The following ANXA3 variants were observed in gnomAD, a reference collection of about 807,000 sequenced individuals.
ANXA3 encodes the protein annexin A3.
Under a neutral mutation model 48.8 loss-of-function variants are expected in ANXA3, and 46 were observed. The observed-to-expected ratio is 0.94, with a 90% confidence interval of 0.74 to 1.21. ANXA3 has a LOEUF of 1.21. Ranked by LOEUF, ANXA3 falls within the 50% of genes most tolerant of loss-of-function variation. The probability of loss-of-function intolerance (pLI) is 0.00; values close to 1 mark genes in which losing one functional copy is unlikely to be tolerated. For synonymous variants in ANXA3, 128 were observed against 134.7 expected, an observed-to-expected ratio of 0.95 and a Z score of 0.35; for missense variants, 383 against 378.6, an observed-to-expected ratio of 1.01 and a Z score of -0.10.
intron 2 of ANXA3, 61 bp downstream of exon 2, chr4:78,554,549 A>G: frequency 6.8e-6 from 10 of 1,478,296 alleles, no homozygotes; most frequent in Non-Finnish European, 9.4e-6. Flanking sequence ...AAAACACAGA[A>G]GGTCAAGATA....
rs1423764295 is a variant in ANXA3, at chr4:78,554,426, C to A, written c.-38-10C>A. ...ATTGATACCATTTACTAATTGTTTT[C>A]TTTTAATAGATTAGTGTGATCTCAG... On this transcript the variant is annotated splice_polypyrimidine_tract_variant and intron_variant, in intron 1 of 12. Transcript: ENST00000264908. The A allele has an allele frequency of 1.3e-6, 2 of 1,569,418 alleles. No homozygotes were observed. The highest frequency in any genetic ancestry group is 1.1e-5 in the South Asian group (1 of 90,242).
chr4:78,588,272 A>C (rs555702441), intron 6 of ANXA3, among the ~76,000 whole-genome samples: 14 of 152,230 alleles, frequency 9.2e-5, no homozygotes, highest in Middle Eastern at 6.8e-3. Flanking sequence ...GCACGCCTAC[A>C]GTCCCAGCTC....
intron 1 of ANXA3, among the ~76,000 whole-genome samples, chr4:78,553,732 T>G (rs7672582): frequency 0.75 from 114,477 of 152,108 alleles, 43,201 homozygotes; most frequent in East Asian, 0.88. Context: ...ATTGAACTTT[T>G]CTCTGGGGGT....
intron 12 of ANXA3, among the ~76,000 whole-genome samples, chr4:78,607,462 A>G (rs1438112845): frequency 6.6e-6 from 1 of 152,168 alleles, no homozygotes; most frequent in East Asian, 1.9e-4. Flanking sequence ...GAAGGCAAGG[A>G]AGAACAGAGG....
chr4:78,601,574 T>A lies in ANXA3; in HGVS notation c.789+6T>A. 6.2e-7 allele frequency: 1 copy of A among 1,613,502 alleles called. No homozygotes were observed. The highest frequency in any genetic ancestry group is 8.5e-7 in the Non-Finnish European group (1 of 1,179,498). On this transcript the variant is annotated splice_donor_region_variant and intron_variant, in intron 11 of 12. Coordinates refer to ENST00000264908, the MANE Select transcript of ANXA3 (RefSeq NM_005139.3). ...GACTGCATCGAGCCTTGAAGGTTGGTCTGGAAAGTTCATGTGCATTCTTAG... is the reference window on the plus strand; with the variant it reads ...GACTGCATCGAGCCTTGAAGGTTGGACTGGAAAGTTCATGTGCATTCTTAG...
intron 3 of ANXA3, among the ~76,000 whole-genome samples, chr4:78,578,298 C>T (rs865837757): frequency 1.1e-4 from 5 of 46,506 alleles, no homozygotes; most frequent in African/African-American, 4.0e-4. Flanking sequence ...AGAGAGAGAG[C>T]GAGAGAGAGA....
Position 78,574,027 on chromosome 4 carries a change from T to A in ANXA3, c.103+760T>A, listed in dbSNP as rs118092954. Among the ~76,000 whole-genome samples the A allele has an allele frequency of 3.8e-3, 577 of 152,250 alleles. 12 individuals carry two copies. In the East Asian group the frequency reaches 0.062, roughly 16 times the overall value. On this transcript the variant is annotated intron_variant, in intron 3 of 12. Transcript: ENST00000264908. ...GTCATGTGAAACTGCTGCCTGGAAT[T>A]TTCTGTTCTCCTGTGACCATCCTGT... is the stretch of plus-strand genomic sequence containing the variant.
In ANXA3 at chr4:78,601,383, G is replaced by T. The variant is rs557901789; in HGVS notation, c.731-127G>T. 510 of 753,270 alleles carry T rather than the reference G, an allele frequency of 6.8e-4. 5 individuals carry two copies. The highest frequency in any genetic ancestry group is 6.6e-3 in the South Asian group (329 of 49,894). The allele number at this position is 753,270 out of a possible 1,614,324, so 46.7% of individuals were successfully genotyped here. A position where few individuals can be genotyped will look rare whatever the true frequency, so the allele number is the denominator to read the frequency against. On this transcript the variant is annotated intron_variant, in intron 10 of 12. Coordinates refer to ENST00000264908, the MANE Select transcript of ANXA3 (RefSeq NM_005139.3). ...AGCCTTTCTTTCATTCCAAGTAAAA[G>T]CCAGTTGTGGGGAGGGGATAGAGTG...
chr4:78,604,389 C>T lies in ANXA3; in HGVS notation c.902C>T (p.Ser301Leu). 1.2e-6 allele frequency: 2 copies of T among 1,610,538 alleles called. No homozygotes were observed. The highest frequency in any genetic ancestry group is 1.1e-5 in the South Asian group (1 of 90,610). ...FKKHYGYSLY[S>L]AIKSDTSGDY... ...AAGCATTATGGCTATTCCCTATATT[C>T]AGCAATTAAAGTAAGTCTACTTTTA... The change falls in exon 12 of 13, where the codon TCA becomes TTA. Residue 301 changes from serine to leucine, a missense_variant. Ser to Leu is a moderately radical substitution (Grantham distance 145). Coordinates refer to ENST00000264908, the MANE Select transcript of ANXA3 (RefSeq NM_005139.3).
intron 2 of ANXA3, among the ~76,000 whole-genome samples, chr4:78,566,340 C>T (rs1340612398): frequency 2.0e-5 from 3 of 151,958 alleles, no homozygotes; most frequent in Non-Finnish European, 2.9e-5. Flanking sequence ...GATGAAATCA[C>T]TCTATTTAAA....
Position 78,595,863 on chromosome 4 carries a change from A to G in ANXA3, c.610A>G (p.Arg204Gly). The G allele has an allele frequency of 6.2e-7, 1 of 1,610,594 alleles. No homozygotes were observed. Among genetic ancestry groups the G allele is most frequent in the African/African-American group, 1.3e-5 (1 of 74,976 alleles). Residue 204 changes from arginine to glycine, a missense_variant, in exon 9 of 13, where the codon AGG (arginine) becomes GGG (glycine). Transcript: ENST00000264908. ...EDKFTEILCL[R>G]SFPQLKLTFD... ...CAAATTCACTGAGATCCTGTGTTTA[A>G]GGAGCTTTCCTCAATTAAAACTAAG...
intron 5 of ANXA3, among the ~76,000 whole-genome samples, chr4:78,582,839 A>C: frequency 6.6e-6 from 1 of 152,158 alleles, no homozygotes; most frequent in East Asian, 1.9e-4. Flanking sequence ...ATTTTTATTA[A>C]TTTATTTTAA....
intron 5 of ANXA3, among the ~76,000 whole-genome samples, chr4:78,586,018 T>G (rs1723167132): frequency 6.6e-6 from 1 of 152,230 alleles, no homozygotes; most frequent in African/African-American, 2.4e-5. Flanking sequence ...TTTATACTAT[T>G]TCTTTCCAGA....
At chr4:78,594,941 C>T (rs1050960932) in intron 7 of ANXA3, among the ~76,000 whole-genome samples, 1 of 152,072 alleles carries the variant, frequency 6.6e-6, no homozygotes, top group Non-Finnish European at 1.5e-5. Context: ...TGAGACCAGC[C>T]TGGGCAACAT....
At chr4:78,589,199 A>G (rs963407499) in intron 6 of ANXA3, among the ~76,000 whole-genome samples, 8 of 152,336 alleles carry the variant, frequency 5.3e-5, no homozygotes, top group African/African-American at 9.6e-5. Context: ...ATTGAGGTTA[A>G]GGTCTTAAGA....
chr4:78,576,793 G>A (rs77697924), intron 3 of ANXA3, among the ~76,000 whole-genome samples: 5,339 of 152,260 alleles, frequency 0.035, 141 homozygotes, highest in Middle Eastern at 0.061. Context: ...GTATCATAAC[G>A]GTGTTTGCAT....
chr4:78,595,406 T>G lies in ANXA3; in HGVS notation c.509T>G (p.Val170Gly). The G allele has an allele frequency of 6.2e-7, 1 of 1,613,294 alleles. No homozygotes were observed. The highest frequency in any genetic ancestry group is 8.5e-7 in the Non-Finnish European group (1 of 1,179,786). The stretch of plus-strand genomic sequence containing the variant: ...GGCAGAAGAGATGAAAGTCTGAAAG[T>G]GGATGAGCATCTGGCCAAACAAGAT... ...ADGRRDESLK[V>G]DEHLAKQDAQ... Residue 170 changes from valine to glycine, a missense_variant, in exon 8 of 13, where the codon GTG becomes GGG. Transcript: ENST00000264908.
At chr4:78,585,519 A>G (rs754989272) in intron 5 of ANXA3, among the ~76,000 whole-genome samples, 2 of 152,268 alleles carry the variant, frequency 1.3e-5, no homozygotes, top group African/African-American at 2.4e-5. Context: ...GTTTCTGGAC[A>G]TATTTCACTG....
intron 4 of ANXA3, among the ~76,000 whole-genome samples, chr4:78,581,619 T>C (rs1461459209): frequency 1.3e-5 from 2 of 152,240 alleles, no homozygotes; most frequent in African/African-American, 4.8e-5. Context: ...ACAATTATTA[T>C]TTGTCAGAAA....
Sources: allele counts gnomAD v4.1 joint callset (sites outside exome capture counted in the v4.1 genomes callset), GRCh38; gene constraint gnomAD v4.1.1; transcripts MANE v1.5; gene names NCBI Gene and HGNC (gene_info 2026-07-23, HGNC 2026-07-21).